Variants in BTG4 observed in about 807,000 individuals in gnomAD.
The protein encoded by BTG4 is protein BTG4.
A neutral mutation model predicts 19.3 loss-of-function variants in BTG4; 10 were observed. The ratio of observed to expected loss-of-function variants is 0.52; its 90% confidence interval spans 0.32 to 0.88. The LOEUF (loss-of-function observed/expected upper bound fraction) is 0.88. Among genes scored for constraint, BTG4 ranks in the 40% least tolerant of loss-of-function variants. BTG4 has a pLI of 0.04. For missense variants in BTG4, 238 were observed against 281.9 expected (o/e 0.84, Z 1.11); for synonymous variants, 91 against 95.7 (o/e 0.95, Z 0.29).
chr11:111,427,395 C>A, the BTG4 span, among the ~76,000 whole-genome samples: 7 of 152,216 alleles, frequency 4.6e-5, no homozygotes, highest in African/African-American at 1.7e-4. Flanking sequence ...CTGCCGAACA[C>A]CCAGACATGG....
chr11:111,400,425 CT>C, the BTG4 span, among the ~76,000 whole-genome samples: 7 of 152,344 alleles, frequency 4.6e-5, no homozygotes, highest in Admixed American at 3.3e-4. Context: ...TTCCCTCCCT[CT>C]CTCTGTATTG....
intron 5 of BTG4, among the ~76,000 whole-genome samples, chr11:111,486,339 G>A (rs937441616): frequency 6.6e-6 from 1 of 152,300 alleles, no homozygotes; most frequent in Non-Finnish European, 1.5e-5. Context: ...GGAAGCTGAG[G>A]CAGGAGGATT....
At chr11:111,450,308 G>A in the BTG4 span, 1 of 152,642 alleles carries the variant, frequency 6.6e-6, no homozygotes, top group Non-Finnish European at 1.5e-5. Flanking sequence ...TGTCTTGAGG[G>A]AAGATCTGAC....
At chr11:111,467,263 C>T (rs1863775221), downstream of BTG4, among the ~76,000 whole-genome samples, 1 of 152,206 alleles carries the variant, frequency 6.6e-6, no homozygotes, top group African/African-American at 2.4e-5. Context: ...CAAGATCACA[C>T]AGCCAAAAAG....
chr11:111,404,732 A>G, the BTG4 span: 23 of 453,886 alleles, frequency 5.1e-5, no homozygotes, highest in South Asian at 3.4e-4. Flanking sequence ...CCTAGGAAGA[A>G]AGGACAGGTC....
At chr11:111,436,296 G>T in the BTG4 span, among the ~76,000 whole-genome samples, 1 of 152,102 alleles carries the variant, frequency 6.6e-6, no homozygotes, top group African/African-American at 2.4e-5. Flanking sequence ...GTAACTCCTG[G>T]CTTTTTAGAC....
the BTG4 span, among the ~76,000 whole-genome samples, chr11:111,431,588 A>G: frequency 2.0e-5 from 3 of 152,338 alleles, no homozygotes; most frequent in East Asian, 5.8e-4. Context: ...TCACTGTTTA[A>G]TCAACAGAAG....
the BTG4 span, among the ~76,000 whole-genome samples, chr11:111,453,890 T>C: frequency 6.6e-6 from 1 of 152,156 alleles, no homozygotes; most frequent in Non-Finnish European, 1.5e-5. Context: ...TTGCAGAAGG[T>C]ATTTATTGTA....
chr11:111,489,240 C>T (rs2135619584), intron 5 of BTG4, among the ~76,000 whole-genome samples: 1 of 152,188 alleles, frequency 6.6e-6, no homozygotes, highest in South Asian at 2.1e-4. Context: ...GAGATATCAT[C>T]TCACCCCATC....
At chr11:111,417,413 T>TCATCTGAAGGCAC in the BTG4 span, 1 of 152,162 alleles carries the variant, frequency 6.6e-6, no homozygotes, top group Non-Finnish European at 1.5e-5. Flanking sequence ...ACAAAACAGC[T>TCATCTGAAGGCAC]CATCTGAAGG....
chr11:111,428,808 G>A, the BTG4 span, among the ~76,000 whole-genome samples: 1 of 152,162 alleles, frequency 6.6e-6, no homozygotes, highest in African/African-American at 2.4e-5. Flanking sequence ...TTTCTGCAAG[G>A]CTCTTCAGCT....
At chr11:111,486,860 C>T (rs1389270267) in intron 5 of BTG4, among the ~76,000 whole-genome samples, 1 of 152,022 alleles carries the variant, frequency 6.6e-6, no homozygotes, top group Non-Finnish European at 1.5e-5. Flanking sequence ...GCAGGACGTG[C>T]AGGTTTGTTA....
chr11:111,406,947 A>G, the BTG4 span, among the ~76,000 whole-genome samples: 1 of 152,224 alleles, frequency 6.6e-6, no homozygotes, highest in East Asian at 1.9e-4. Context: ...TGCTCTTACT[A>G]CAGATCACTA....
intron 5 of BTG4, among the ~76,000 whole-genome samples, chr11:111,489,311 G>A (rs1865269370): frequency 6.6e-6 from 1 of 152,140 alleles, no homozygotes; most frequent in Non-Finnish European, 1.5e-5. Context: ...TGTAGAAAGG[G>A]GAACCCTCAT....
At chr11:111,451,106 A>C in the BTG4 span, 1 of 188,546 alleles carries the variant, frequency 5.3e-6, no homozygotes, top group African/African-American at 2.3e-5. Context: ...CTTCCTGGTG[A>C]CTCATGAGCA....
chr11:111,424,288 A>C, the BTG4 span, among the ~76,000 whole-genome samples: 1 of 152,216 alleles, frequency 6.6e-6, no homozygotes, highest in Non-Finnish European at 1.5e-5. Flanking sequence ...AAAGCAAGGA[A>C]ACTAGCCTGG....
chr11:111,472,643 T>C (rs1290607099), intron 5 of BTG4, among the ~76,000 whole-genome samples: 1 of 152,246 alleles, frequency 6.6e-6, no homozygotes, highest in African/African-American at 2.4e-5. Context: ...CCAATCTTAA[T>C]TTGCAACTCT....
downstream of BTG4, among the ~76,000 whole-genome samples, chr11:111,492,478 T>C (rs899975520): frequency 2.0e-5 from 3 of 152,230 alleles, no homozygotes; most frequent in Non-Finnish European, 4.4e-5. Flanking sequence ...ACAATACTTC[T>C]TACTCTGCTG....
chr11:111,400,166 C>T, the BTG4 span, among the ~76,000 whole-genome samples: 1 of 152,172 alleles, frequency 6.6e-6, no homozygotes, highest in Non-Finnish European at 1.5e-5. Context: ...AGTCATGCCG[C>T]CTCTCTGTGC....
Sources: allele counts gnomAD v4.1 joint callset (sites outside exome capture counted in the v4.1 genomes callset), GRCh38; gene constraint gnomAD v4.1.1; transcripts MANE v1.5; gene names NCBI Gene and HGNC (gene_info 2026-07-23, HGNC 2026-07-21).